The following ELF1 variants were observed in gnomAD, a reference collection of about 807,000 sequenced individuals.
The protein encoded by ELF1 is E74 like ETS transcription factor 1.
Under a neutral mutation model 59.9 loss-of-function variants are expected in ELF1, and 24 were observed. The ratio of observed to expected loss-of-function variants is 0.40; its 90% CI spans 0.29 to 0.56. The LOEUF (loss-of-function observed/expected upper bound fraction) is 0.56, where lower values mean the gene tolerates loss of function less well. ELF1 is among the 20% of genes least tolerant of loss of function. The probability of loss-of-function intolerance (pLI) is 0.44; values close to 1 mark genes in which losing one functional copy is unlikely to be tolerated. For missense variants in ELF1, 627 were observed against 742.2 expected (o/e 0.84, Z 1.80); for synonymous variants, 248 against 266.2 (o/e 0.93, Z 0.67).
At chr13:40,974,960 T>A (rs964184446) in intron 2 of ELF1, among the ~76,000 whole-genome samples, 2 of 152,220 alleles carry the variant, frequency 1.3e-5, no homozygotes, top group Non-Finnish European at 2.9e-5. Context: ...ACTCCTTTGA[T>A]AAAGACTTTT....
intron 2 of ELF1, among the ~76,000 whole-genome samples, chr13:40,961,564 GA>G (rs933673620): frequency 1.3e-5 from 2 of 149,422 alleles, no homozygotes; most frequent in Non-Finnish European, 3.0e-5. Flanking sequence ...CCCTGTCACT[GA>G]AAAAAAAAGA....
intron 5 of ELF1, among the ~76,000 whole-genome samples, chr13:40,945,990 C>A (rs778682624): frequency 1.3e-5 from 2 of 151,970 alleles, no homozygotes; most frequent in Non-Finnish European, 2.9e-5. Flanking sequence ...ATTACAGGCA[C>A]GTACCACCAT....
intron 3 of ELF1, among the ~76,000 whole-genome samples, chr13:40,953,383 G>C (rs1870987557): frequency 6.6e-6 from 1 of 152,156 alleles, no homozygotes. Context: ...AGAGATAACT[G>C]AGTTAAAATG....
chr13:40,979,348 A>T (rs1202483676), intron 2 of ELF1, among the ~76,000 whole-genome samples: 1 of 152,294 alleles, frequency 6.6e-6, no homozygotes, highest in Non-Finnish European at 1.5e-5. Flanking sequence ...CTTAGGTTCT[A>T]TTATTTTCAT....
chr13:40,982,388 G>T, intron 1 of ELF1, 106 bp from the exon 2 acceptor site: 11 of 727,528 alleles, frequency 1.5e-5, no homozygotes, highest in South Asian at 5.9e-5. Context: ...TATTATTAAC[G>T]TTTTTAAATA....
At chr13:41,005,538 C>T (rs1280735735) in intron 1 of ELF1, among the ~76,000 whole-genome samples, 4 of 150,356 alleles carry the variant, frequency 2.7e-5, no homozygotes, top group Non-Finnish European at 5.9e-5. Context: ...TAACTTGCAT[C>T]TTTGATCTTT....
chr13:41,040,428 A>G (rs1876558719), intron 1 of ELF1, among the ~76,000 whole-genome samples: 2 of 152,192 alleles, frequency 1.3e-5, no homozygotes, highest in Admixed American at 1.3e-4. Flanking sequence ...TCTACATTTC[A>G]GTATATGCAA....
intron 1 of ELF1, among the ~76,000 whole-genome samples, chr13:41,012,892 T>C (rs1430254991): frequency 2.6e-5 from 4 of 152,148 alleles, no homozygotes; most frequent in East Asian, 3.8e-4. Context: ...TTCTCTGTTA[T>C]ATATTTTTAT....
chr13:40,976,373 A>G (rs553379748), intron 2 of ELF1, among the ~76,000 whole-genome samples: 44 of 152,192 alleles, frequency 2.9e-4, no homozygotes, highest in Non-Finnish European at 4.7e-4. Flanking sequence ...GATCCAGTTC[A>G]ACTTCCATGG....
At chr13:41,033,399 A>T in intron 1 of ELF1, among the ~76,000 whole-genome samples, 1 of 152,272 alleles carries the variant, frequency 6.6e-6, no homozygotes, top group East Asian at 1.9e-4. Flanking sequence ...TCTCAAATAC[A>T]TAACGAAAAG....
At chr13:41,052,299 A>G (rs1200486151) in intron 1 of ELF1, among the ~76,000 whole-genome samples, 2 of 152,178 alleles carry the variant, frequency 1.3e-5, no homozygotes, top group Non-Finnish European at 2.9e-5. Context: ...TGAACTCAGG[A>G]GTGAACACTT....
intron 2 of ELF1, among the ~76,000 whole-genome samples, chr13:40,970,758 T>C (rs984962061): frequency 1.3e-5 from 2 of 152,102 alleles, no homozygotes; most frequent in African/African-American, 4.8e-5. Flanking sequence ...GTCACATAGA[T>C]AAACATGTGG....
At chr13:41,042,298 CTTTT>C (rs1016168028) in intron 1 of ELF1, among the ~76,000 whole-genome samples, 13 of 149,854 alleles carry the variant, frequency 8.7e-5, no homozygotes, top group African/African-American at 2.7e-4. Flanking sequence ...ACAGCTTTTT[CTTTT>C]TCTTTTTTTT....
intron 2 of ELF1, among the ~76,000 whole-genome samples, chr13:40,974,851 T>C (rs1175794085): frequency 1.3e-5 from 2 of 152,108 alleles, no homozygotes; most frequent in Non-Finnish European, 2.9e-5. Context: ...ACAGGCAGGG[T>C]TGTTCCTTCA....
chr13:41,033,328 C>T (rs994112145), intron 1 of ELF1, among the ~76,000 whole-genome samples: 2 of 152,150 alleles, frequency 1.3e-5, no homozygotes, highest in African/African-American at 4.8e-5. Flanking sequence ...CAGTTATAAT[C>T]CTTATTTCAC....
At chr13:41,060,840 G>A in exon 1 of ELF1, 1 of 283,098 alleles carries the variant, frequency 3.5e-6, no homozygotes, top group Non-Finnish European at 7.0e-6. Context: ...TGACCCACCT[G>A]ACAAGCATAA....
At chr13:40,982,756 G>T (rs1159553252) in intron 1 of ELF1, 3 of 486,900 alleles carry the variant, frequency 6.2e-6, no homozygotes, top group African/African-American at 2.1e-5. Context: ...TTAAAGTTTA[G>T]TAAGAAGTAT....
intron 2 of ELF1, among the ~76,000 whole-genome samples, chr13:40,961,239 C>T (rs551170903): frequency 1.6e-4 from 25 of 152,302 alleles, no homozygotes; most frequent in Non-Finnish European, 3.4e-4. Context: ...ATGCTATGTT[C>T]TGAAATTTAT....
At chr13:41,040,903 C>T (rs753760071) in intron 1 of ELF1, among the ~76,000 whole-genome samples, 8 of 152,258 alleles carry the variant, frequency 5.3e-5, no homozygotes, top group Non-Finnish European at 1.0e-4. Context: ...CACTGTTCCG[C>T]AGACTAAGGT....
Sources: allele counts gnomAD v4.1 joint callset (sites outside exome capture counted in the v4.1 genomes callset), GRCh38; gene constraint gnomAD v4.1.1; transcripts MANE v1.5; gene names NCBI Gene and HGNC (gene_info 2026-07-23, HGNC 2026-07-21).